Variants in CRYBB2 observed in about 807,000 individuals in gnomAD.
The protein encoded by CRYBB2 is beta-crystallin B2.
In CRYBB2, 12 loss-of-function variants were observed where a neutral mutation model predicts 24.3. The ratio of observed to expected loss-of-function variants is 0.49; its 90% CI spans 0.32 to 0.80. The LOEUF is 0.80. Ranked by LOEUF, CRYBB2 falls within the 30% of genes least tolerant of loss-of-function variation. The probability of loss-of-function intolerance (pLI) is 0.04; values close to 1 mark genes in which losing one functional copy is unlikely to be tolerated. For synonymous variants in CRYBB2, 98 were observed against 101.6 expected, an observed-to-expected ratio of 0.96 and a Z score of 0.21; for missense variants, 198 against 268.5, an observed-to-expected ratio of 0.74 and a Z score of 1.83.
intron 1 of CRYBB2, chr22:25,213,311 CA>C (rs1197444309): frequency 6.6e-6 from 1 of 152,108 alleles, no homozygotes; most frequent in African/African-American, 2.4e-5. Flanking sequence ...AGGGGAACAC[CA>C]AGACCTATTC....
At position 25,221,496 on chromosome 22, in the gene CRYBB2, C is replaced by G. The variant is rs377208249; in HGVS notation, c.54+13C>G. On this transcript the variant is annotated intron_variant, in intron 2 of 5. Transcript: ENST00000398215. ...CCTCAACCCCAAGGTGGGTACCTCT[C>G]AGAGGAGGGGGCATGCAATGCTCCT... 3 of 1,605,692 alleles carry G rather than the reference C, an allele frequency of 1.9e-6. No homozygotes were observed. The highest frequency in any genetic ancestry group is 4.5e-5 in the East Asian group (2 of 44,830).
chr22:25,214,304 C>G (rs1364146376), intron 1 of CRYBB2, among the ~76,000 whole-genome samples: 1 of 152,214 alleles, frequency 6.6e-6, no homozygotes, highest in Non-Finnish European at 1.5e-5. Context: ...CACCACCATG[C>G]TCCAGCCTGG....
upstream of CRYBB2, among the ~76,000 whole-genome samples, chr22:25,218,786 G>GAAAGAAAGAAAGAA (rs1935254940): frequency 1.5e-5 from 1 of 67,770 alleles, no homozygotes; most frequent in Non-Finnish European, 2.7e-5. Flanking sequence ...AGAGAAGAAA[G>GAAAGAAAGAAAGAA]AAAGAAAGAA....
chr22:25,215,884 A>G (rs1935162531), upstream of CRYBB2, among the ~76,000 whole-genome samples: 1 of 152,222 alleles, frequency 6.6e-6, no homozygotes, highest in African/African-American at 2.4e-5. Flanking sequence ...GGAACCAGAC[A>G]GTTTCAGGGC....
upstream of CRYBB2, among the ~76,000 whole-genome samples, chr22:25,211,699 C>G (rs1386386545): frequency 1.3e-5 from 2 of 152,344 alleles, no homozygotes; most frequent in South Asian, 2.1e-4. Context: ...CAGGCATGAG[C>G]CACTGCGCCC....
upstream of CRYBB2, among the ~76,000 whole-genome samples, chr22:25,218,690 A>G (rs1198517418): frequency 1.7e-4 from 13 of 78,642 alleles, no homozygotes; most frequent in African/African-American, 5.4e-4. Context: ...GAAAGAAAGA[A>G]AGAGAGAGAG....
At chr22:25,219,070 T>C (rs985136628), upstream of CRYBB2, among the ~76,000 whole-genome samples, 4 of 152,096 alleles carry the variant, frequency 2.6e-5, no homozygotes, top group African/African-American at 9.7e-5. Flanking sequence ...TGCTTGGAAC[T>C]GTCCCCCCAC....
At chr22:25,220,484 T>A (rs2267078) in intron 1 of CRYBB2, among the ~76,000 whole-genome samples, 15,313 of 152,246 alleles carry the variant, frequency 0.1, 798 homozygotes, top group East Asian at 0.15. Context: ...CCTCAGGCAC[T>A]CTGACAAGCC....
At chr22:25,230,093 G>A (rs1935504221) in intron 5 of CRYBB2, among the ~76,000 whole-genome samples, 1 of 152,010 alleles carries the variant, frequency 6.6e-6, no homozygotes, top group Non-Finnish European at 1.5e-5. Context: ...ATTCCATGGG[G>A]GTCCACAGAT....
At position 25,229,433 on chromosome 22, in the gene CRYBB2, T is replaced by A. The variant is rs763640481; in HGVS notation, c.307-3T>A. On this transcript the variant is annotated splice_polypyrimidine_tract_variant and splice_region_variant and intron_variant, in intron 4 of 5. Transcript: ENST00000398215. ...CTCACTTCCCCCCATCCTCTGCCAA[T>A]AGGACAGCCAAGAGCACAAGATCAT... 3 of 1,607,094 alleles carry A rather than the reference T, an allele frequency of 1.9e-6. No homozygotes were observed. The highest frequency in any genetic ancestry group is 1.7e-4 in the Middle Eastern group (1 of 5,968).
At chr22:25,227,815 GA>G in intron 3 of CRYBB2, 37 bp from the exon 4 acceptor site, 1 of 1,613,702 alleles carries the variant, frequency 6.2e-7, no homozygotes, top group Non-Finnish European at 8.5e-7. Flanking sequence ...GCTTGGAGTG[GA>G]ACTGACCTGC....
chr22:25,226,453 C>G (rs1935419268), intron 3 of CRYBB2, among the ~76,000 whole-genome samples: 1 of 152,150 alleles, frequency 6.6e-6, no homozygotes, highest in African/African-American at 2.4e-5. Context: ...CTGCATTTAA[C>G]AAGCTTACCT....
chr22:25,217,559 C>T (rs1004603435), upstream of CRYBB2, among the ~76,000 whole-genome samples: 5 of 152,226 alleles, frequency 3.3e-5, no homozygotes, highest in African/African-American at 9.6e-5. Flanking sequence ...TCAGGTGATC[C>T]GCCTGGCTTG....
intron 4 of CRYBB2, among the ~76,000 whole-genome samples, chr22:25,228,395 C>T (rs1247584197): frequency 1.3e-5 from 2 of 148,862 alleles, no homozygotes; most frequent in Non-Finnish European, 3.0e-5. Context: ...AACCAATAGC[C>T]ATCAGAAATA....
At chr22:25,216,453 C>T (rs553044359), upstream of CRYBB2, among the ~76,000 whole-genome samples, 3 of 152,140 alleles carry the variant, frequency 2.0e-5, no homozygotes, top group Non-Finnish European at 4.4e-5. Context: ...GATGCACCTC[C>T]CATCCAAGGA....
chr22:25,213,775 C>T (rs924003241), intron 1 of CRYBB2: 3 of 152,246 alleles, frequency 2.0e-5, no homozygotes, highest in African/African-American at 7.2e-5. Flanking sequence ...CCACTCCCTA[C>T]TTCCTGATGC....
rs961499964 is a variant in CRYBB2 at position 25,227,887 on chromosome 22, G to A, written c.208G>A (p.Glu70Lys). The part of the protein sequence containing the change: ...VGYEQANCKG[E>K]QFVFEKGEYP... ...CTATGAACAGGCCAACTGCAAGGGC[G>A]AGCAGTTTGTGTTTGAGAAGGGTGA... is the stretch of plus-strand genomic sequence containing the variant. The change falls in exon 4 of 6, where the codon GAG becomes AAG. Residue 70 changes from glutamate to lysine, a missense_variant. By Grantham distance (56) the Glu-to-Lys change is moderately conservative. Transcript: ENST00000398215. 3 of 1,614,030 alleles carry A rather than the reference G, an allele frequency of 1.9e-6. No individual in the cohort carries two copies. Among genetic ancestry groups the A allele is most frequent in the Non-Finnish European group, 2.5e-6 (3 of 1,180,038 alleles).
At chr22:25,221,716 G>C (rs1287202957) in intron 2 of CRYBB2, among the ~76,000 whole-genome samples, 1 of 152,228 alleles carries the variant, frequency 6.6e-6, no homozygotes, top group Non-Finnish European at 1.5e-5. Context: ...GGAGACTTCA[G>C]TTTCTCTCTC....
upstream of CRYBB2, among the ~76,000 whole-genome samples, chr22:25,218,897 C>G (rs1317893177): frequency 6.6e-6 from 1 of 151,886 alleles, no homozygotes; most frequent in Non-Finnish European, 1.5e-5. Context: ...GAATAAAATG[C>G]ACTCTCCATA....
Sources: allele counts gnomAD v4.1 joint callset (sites outside exome capture counted in the v4.1 genomes callset), GRCh38; gene constraint gnomAD v4.1.1; transcripts MANE v1.5; gene names NCBI Gene and HGNC (gene_info 2026-07-23, HGNC 2026-07-21).